VAV2: variants seen among roughly 807,000 people sequenced by gnomAD.
The protein encoded by VAV2 is vav guanine nucleotide exchange factor 2, also known as guanine nucleotide exchange factor VAV2.
A neutral mutation model predicts 132.5 loss-of-function variants in VAV2; 67 were observed. The ratio of observed to expected loss-of-function variants is 0.51; its 90% CI spans 0.42 to 0.62. The LOEUF (loss-of-function observed/expected upper bound fraction) is 0.62, where lower values mean the gene tolerates loss of function less well. VAV2 is among the 20% of genes least tolerant of loss of function. The probability of loss-of-function intolerance (pLI) is 0.00; values close to 1 mark genes in which losing one functional copy is unlikely to be tolerated. For missense variants in VAV2, 938 were observed against 1,153.6 expected, an observed-to-expected ratio of 0.81 and a Z score of 2.71; for synonymous variants, 492 against 443.5, an observed-to-expected ratio of 1.11 and a Z score of -1.37.
intron 1 of VAV2, among the ~76,000 whole-genome samples, chr9:133,940,331 A>G (rs1841092230): frequency 6.6e-6 from 1 of 152,170 alleles, no homozygotes; most frequent in Admixed American, 6.5e-5. Context: ...ATCCTCATCA[A>G]TAACCGTCCC....
chr9:133,946,242 G>A (rs1489320447), intron 1 of VAV2, among the ~76,000 whole-genome samples: 3 of 152,218 alleles, frequency 2.0e-5, no homozygotes, highest in Admixed American at 2.0e-4. Context: ...GGGACTGGGG[G>A]AGGGACACAG....
rs766981524 is a variant in VAV2 at position 133,778,747 on chromosome 9, G to A, written c.1890+15C>T. On this transcript the variant is annotated intron_variant, in intron 22 of 29. Coordinates refer to ENST00000371850, the MANE Select transcript of VAV2 (RefSeq NM_001134398.2). The stretch of plus-strand genomic sequence containing the variant: ...GAGCCGGGGACCCTCGACCCTCCCG[G>A]GCCCCAGGACCCACCTCCCACCACG... 1.2e-6 allele frequency: 2 copies of A among 1,611,480 alleles called. No individual in the cohort carries two copies. Among genetic ancestry groups the A allele is most frequent in the African/African-American group, 2.7e-5 (2 of 75,042 alleles).
chr9:133,789,151 T>G, intron 14 of VAV2, 107 bp downstream of exon 14: 1 of 1,230,336 alleles, frequency 8.1e-7, no homozygotes, highest in South Asian at 1.4e-5. Context: ...AGGCAGCTCT[T>G]TCCACAGGAA....
chr9:133,877,330 C>T (rs1838304072), intron 2 of VAV2, among the ~76,000 whole-genome samples: 1 of 152,214 alleles, frequency 6.6e-6, no homozygotes, highest in Admixed American at 6.5e-5. Context: ...CCCAGACACA[C>T]AGCAATCCAC....
intron 12 of VAV2, 49 bp downstream of exon 12, chr9:133,795,619 G>T: frequency 6.2e-7 from 1 of 1,604,000 alleles, no homozygotes; most frequent in Non-Finnish European, 8.5e-7. Flanking sequence ...CCAAGAACAC[G>T]GGCTAAGCCA....
At chr9:133,943,282 C>G (rs953952901) in intron 1 of VAV2, among the ~76,000 whole-genome samples, 1 of 152,172 alleles carries the variant, frequency 6.6e-6, no homozygotes, top group Non-Finnish European at 1.5e-5. Context: ...TGGCAGGGAC[C>G]GGACCCAAGG....
In VAV2 at chr9:133,769,310, G is replaced by A; in HGVS notation, c.2434+107C>T. On this transcript the variant is annotated intron_variant, in intron 28 of 29. Transcript: ENST00000371850. The surrounding 1 kb of genome is among the most constrained non-coding windows in gnomAD (Gnocchi z 8.1). ...ACCCAGTGCCAGACTGCGGACAACT[G>A]TGGCCACGTCAGGCAGGGCTGTGGG... The A allele has an allele frequency of 8.1e-7, 1 of 1,230,392 alleles. No homozygotes were observed. The allele number at this position is 1,230,392 out of a possible 1,614,324, so 76.2% of individuals were successfully genotyped here. A position where few individuals can be genotyped will look rare whatever the true frequency, so the allele number is the denominator to read the frequency against.
chr9:133,939,295 C>T, intron 1 of VAV2, 76 bp from the exon 2 acceptor site: 1 of 1,289,128 alleles, frequency 7.8e-7, no homozygotes, highest in South Asian at 1.2e-5. Flanking sequence ...GTAACAGCAA[C>T]AGCAGCAAGC....
intron 2 of VAV2, among the ~76,000 whole-genome samples, chr9:133,938,027 C>T (rs1229373286): frequency 1.3e-5 from 2 of 152,236 alleles, no homozygotes; most frequent in East Asian, 3.8e-4. Context: ...GCAGCACTTC[C>T]ACACGCTCCT....
rs1838415928 is a variant in VAV2 at position 133,879,812 on chromosome 9, G to A, written c.322-18380C>T. Among the ~76,000 whole-genome samples, 1 of 152,176 alleles carries A rather than the reference G, an allele frequency of 6.6e-6. No homozygotes were observed. Among genetic ancestry groups the A allele is most frequent in the African/African-American group, 2.4e-5 (1 of 41,436 alleles). On this transcript the variant is annotated intron_variant, in intron 2 of 29. Transcript: ENST00000371850. This position sits in a 1 kb window ranked among gnomAD's most constrained non-coding sequence, Gnocchi z 4.4. ...AGTCTAAAGTGATTTTTCCTCCCCGGTGCTTTGTGTTTATGGAAACAGATG... is the reference window on the plus strand; with the variant it reads ...AGTCTAAAGTGATTTTTCCTCCCCGATGCTTTGTGTTTATGGAAACAGATG...
At chr9:133,984,802 G>A (rs1433456444) in intron 1 of VAV2, among the ~76,000 whole-genome samples, 2 of 151,906 alleles carry the variant, frequency 1.3e-5, no homozygotes, top group Non-Finnish European at 2.9e-5. Context: ...CAGCTACTCA[G>A]GAGGCTGAGA....
intron 15 of VAV2, 43 bp from the exon 16 acceptor site, chr9:133,787,303 A>G: frequency 6.4e-7 from 1 of 1,554,030 alleles, no homozygotes; most frequent in Non-Finnish European, 8.7e-7. Context: ...ACGGTCAGTG[A>G]GAGGCTAAGC....
chr9:133,777,811 A>G (rs1285622386), intron 22 of VAV2, among the ~76,000 whole-genome samples: 3 of 152,172 alleles, frequency 2.0e-5, no homozygotes, highest in Non-Finnish European at 1.5e-5. Context: ...TGTTACATGA[A>G]TGTAGGGTCT....
intron 2 of VAV2, among the ~76,000 whole-genome samples, chr9:133,865,870 C>T (rs2131882461): frequency 6.6e-6 from 1 of 152,352 alleles, no homozygotes; most frequent in South Asian, 2.1e-4. Flanking sequence ...CTCTGAGAGA[C>T]ATAACTATGA....
chr9:133,786,491 G>T (rs117854892), intron 16 of VAV2, among the ~76,000 whole-genome samples: 1 of 152,180 alleles, frequency 6.6e-6, no homozygotes, highest in African/African-American at 2.4e-5. Context: ...CATGTTAAGC[G>T]GGGGCAGGAT....
intron 2 of VAV2, among the ~76,000 whole-genome samples, chr9:133,866,728 C>T (rs1302838846): frequency 6.6e-6 from 1 of 151,736 alleles, no homozygotes; most frequent in Admixed American, 6.6e-5. Flanking sequence ...ATGGCTTGAA[C>T]CCAGGACGTG....
rs1840478713 is a variant in VAV2, at chr9:133,926,278, G to A, written c.321+12825C>T. On this transcript the variant is annotated intron_variant, in intron 2 of 29. Transcript: ENST00000371850. The surrounding 1 kb of genome is among the most constrained non-coding windows in gnomAD (Gnocchi z 4.3). Reference sequence around the variant, plus strand: ...TGCTCCTAGTGCGTCCTGAAGCGTGGGCTGCTGCCACCACTGCCACCCAGA... The same window carrying A: ...TGCTCCTAGTGCGTCCTGAAGCGTGAGCTGCTGCCACCACTGCCACCCAGA... 6.5e-6 allele frequency: 1 copy of A among 152,678 alleles called. No individual in the cohort carries two copies. The highest frequency in any genetic ancestry group is 2.1e-4 in the South Asian group (1 of 4,836). The allele number at this position is 152,678 out of a possible 1,614,324, so 9.5% of individuals were successfully genotyped here. A position where few individuals can be genotyped will look rare whatever the true frequency, so the allele number is the denominator to read the frequency against.
chr9:133,917,815 AG>A (rs1840152207), intron 2 of VAV2, among the ~76,000 whole-genome samples: 1 of 152,204 alleles, frequency 6.6e-6, no homozygotes, highest in South Asian at 2.1e-4. Context: ...CCCTGTGGAC[AG>A]AAAAGGCTAG....
Position 133,920,000 on chromosome 9 carries a change from G to A in VAV2, c.321+19103C>T, listed in dbSNP as rs1472421446. ...ACCTGTTCTCTGCGCTGAGCCACGT[G>A]CCAGGAGGCCAGACAGGCCTGGGCG... is the stretch of plus-strand genomic sequence containing the variant. On this transcript the variant is annotated intron_variant, in intron 2 of 29. Transcript: ENST00000371850. This position sits in a 1 kb window ranked among gnomAD's most constrained non-coding sequence, Gnocchi z 5.8. Among the ~76,000 whole-genome samples, 1 of 152,194 alleles carries A rather than the reference G, an allele frequency of 6.6e-6. No individual in the cohort carries two copies. The highest frequency in any genetic ancestry group is 1.9e-4 in the East Asian group (1 of 5,180).
Sources: allele counts gnomAD v4.1 joint callset (sites outside exome capture counted in the v4.1 genomes callset), GRCh38; gene constraint gnomAD v4.1.1; non-coding constraint Gnocchi (gnomAD v3.1); transcripts MANE v1.5; gene names NCBI Gene and HGNC (gene_info 2026-07-23, HGNC 2026-07-21).